Variants in PSD3 observed in about 807,000 individuals in gnomAD.
PSD3 encodes the protein pleckstrin and Sec7 domain containing 3.
PSD3 carries 49 observed loss-of-function variants against 105.5 expected under a neutral mutation model. That is an observed-to-expected ratio of 0.46 (90% CI 0.37 to 0.59). PSD3 has a LOEUF of 0.59. PSD3 is among the 20% of genes least tolerant of loss of function. The probability of loss-of-function intolerance (pLI) is 0.00; values close to 1 mark genes in which losing one functional copy is unlikely to be tolerated. For missense variants in PSD3, 1,561 were observed against 1,263.8 expected (o/e 1.24, Z -3.57); for synonymous variants, 557 against 457.8 (o/e 1.22, Z -2.77).
intron 4 of PSD3, among the ~76,000 whole-genome samples, chr8:18,809,861 A>G (rs941484195): frequency 2.0e-5 from 3 of 152,134 alleles, no homozygotes; most frequent in Non-Finnish European, 4.4e-5. Flanking sequence ...TACAAAAAAA[A>G]CAAAACAAAA....
Position 18,572,560 on chromosome 8 carries a change from G to A in PSD3, c.2752C>T (p.Leu918Phe). The A allele has an allele frequency of 2.5e-6, 4 of 1,614,038 alleles. No homozygotes were observed. Among genetic ancestry groups the A allele is most frequent in the Non-Finnish European group, 3.4e-6 (4 of 1,179,908 alleles). Residue 918 changes from leucine (L) to phenylalanine (F), a missense_variant, in exon 14 of 16, where the codon CTT becomes TTT. Transcript: ENST00000327040. ...IGSQKKFSRP[L>F]LPATTTKLSQ... ...AGTTTTGTTGTAGTGGCAGGCAGAA[G>A]TGGGCGGCTAAACTTCTTCTGAGAG...
intron 1 of PSD3, among the ~76,000 whole-genome samples, chr8:19,047,068 G>T (rs1828345724): frequency 6.6e-6 from 1 of 152,106 alleles, no homozygotes; most frequent in Non-Finnish European, 1.5e-5. Context: ...CCTCTCCGGG[G>T]CTCGTTGCCA....
chr8:18,821,872 CCACACACACA>C (rs5889830), intron 4 of PSD3, among the ~76,000 whole-genome samples: 18 of 137,494 alleles, frequency 1.3e-4, no homozygotes, highest in Non-Finnish European at 2.6e-4. Flanking sequence ...TGCACACACA[CCACACACACA>C]CACACACACA....
At chr8:18,737,828 G>A (rs190227436) in intron 9 of PSD3, among the ~76,000 whole-genome samples, 2 of 152,090 alleles carry the variant, frequency 1.3e-5, no homozygotes, top group East Asian at 1.9e-4. Flanking sequence ...TGCATCATGG[G>A]GTTTACTTCT....
intron 9 of PSD3, among the ~76,000 whole-genome samples, chr8:18,656,183 G>A (rs904303776): frequency 2.0e-4 from 30 of 152,076 alleles, no homozygotes; most frequent in East Asian, 1.9e-4. Flanking sequence ...TCAGCCTCCC[G>A]AGTAGCTGGG....
intron 12 of PSD3, 135 bp from the exon 13 acceptor site, chr8:18,575,420 G>A: frequency 2.5e-6 from 2 of 784,980 alleles, no homozygotes; most frequent in Non-Finnish European, 1.8e-6. Flanking sequence ...CAAACGGTGA[G>A]TAAAAACAAC....
At chr8:18,702,352 G>C (rs1375029987) in intron 9 of PSD3, among the ~76,000 whole-genome samples, 1 of 152,182 alleles carries the variant, frequency 6.6e-6, no homozygotes, top group East Asian at 1.9e-4. Context: ...TGTTCTAAGA[G>C]TTATGAGATG....
intron 2 of PSD3, among the ~76,000 whole-genome samples, chr8:18,878,003 G>A (rs376361611): frequency 6.6e-6 from 1 of 151,986 alleles, no homozygotes. Context: ...GAATCAACTC[G>A]TCAGAAAGCT....
chr8:18,895,263 A>G (rs1478960433), intron 2 of PSD3, among the ~76,000 whole-genome samples: 1 of 152,238 alleles, frequency 6.6e-6, no homozygotes, highest in African/African-American at 2.4e-5. Context: ...CCCATGTCAC[A>G]CATTTAACAT....
chr8:18,846,691 T>C (rs1815116302), intron 4 of PSD3, among the ~76,000 whole-genome samples: 2 of 152,188 alleles, frequency 1.3e-5, no homozygotes, highest in African/African-American at 4.8e-5. Context: ...AGACGGCCTC[T>C]GCCTGGATAG....
intron 8 of PSD3, among the ~76,000 whole-genome samples, chr8:18,778,819 G>A (rs1314109290): frequency 6.6e-6 from 1 of 151,758 alleles, no homozygotes; most frequent in African/African-American, 2.4e-5. Context: ...CTTGATCATC[G>A]TGAATGATCT....
intron 6 of PSD3, chr8:18,803,014 G>C (rs1414169936): frequency 6.5e-6 from 1 of 153,198 alleles, no homozygotes; most frequent in African/African-American, 2.4e-5. Flanking sequence ...GGCTAGGTGC[G>C]GTGGCTCACG....
intron 9 of PSD3, among the ~76,000 whole-genome samples, chr8:18,757,837 TA>T (rs1188504396): frequency 2.0e-5 from 3 of 152,252 alleles, no homozygotes; most frequent in African/African-American, 7.2e-5. Flanking sequence ...TCAGTGTTTT[TA>T]ATACTGTTAT....
rs1805527695 is a variant in PSD3, at chr8:18,614,697, C to G, written c.2411-14263G>C. The stretch of plus-strand genomic sequence containing the variant: ...TTTTTCTTTTGAGACAGGGTGATTA[C>G]AGCTCACTGCAGCCTCCAATTGCCA... On this transcript the variant is annotated intron_variant, in intron 11 of 15. Transcript: ENST00000327040. 2.6e-5 allele frequency among the ~76,000 whole-genome samples: 4 copies of G among 152,102 alleles called. No homozygotes were observed. The South Asian group carries it at 8.3e-4, about 32-fold the overall frequency.
chr8:18,911,823 T>C (rs532264572), intron 2 of PSD3, among the ~76,000 whole-genome samples: 1 of 152,106 alleles, frequency 6.6e-6, no homozygotes, highest in Non-Finnish European at 1.5e-5. Flanking sequence ...CTAGTCATCA[T>C]GAACACAATG....
At chr8:18,573,201 G>A (rs1802253619) in intron 13 of PSD3, among the ~76,000 whole-genome samples, 1 of 152,158 alleles carries the variant, frequency 6.6e-6, no homozygotes, top group African/African-American at 2.4e-5. Context: ...CAGACGTGGT[G>A]GCTCATGCCT....
chr8:18,811,187 A>C (rs1811649759), intron 4 of PSD3, among the ~76,000 whole-genome samples: 1 of 152,200 alleles, frequency 6.6e-6, no homozygotes, highest in Non-Finnish European at 1.5e-5. Context: ...TTGAATTGTC[A>C]GTCTTATGAA....
chr8:18,842,499 C>A (rs754060691), intron 4 of PSD3, among the ~76,000 whole-genome samples: 1 of 152,108 alleles, frequency 6.6e-6, no homozygotes, highest in Non-Finnish European at 1.5e-5. Flanking sequence ...TCGGGGAGTC[C>A]GAGGCGGGCG....
At chr8:18,750,998 G>A (rs1197439528) in intron 9 of PSD3, among the ~76,000 whole-genome samples, 1 of 152,154 alleles carries the variant, frequency 6.6e-6, no homozygotes, top group Non-Finnish European at 1.5e-5. Flanking sequence ...ATCCCGCACC[G>A]GGGCTGCAGG....
Sources: gnomAD v4.1 joint callset for allele counts (sites outside exome capture counted in the v4.1 genomes callset) on GRCh38, gnomAD v4.1.1 for gene constraint, MANE v1.5 for transcripts, NCBI Gene and HGNC (gene_info 2026-07-23, HGNC 2026-07-21) for gene names.